Variants in ELF2 observed in about 807,000 individuals in gnomAD.
The protein encoded by ELF2 is ETS-related transcription factor Elf-2.
Under a neutral mutation model 54.8 loss-of-function variants are expected in ELF2, and 11 were observed. That is an observed-to-expected ratio of 0.20 (90% CI 0.13 to 0.33). ELF2 has a LOEUF of 0.33. Among genes scored for constraint, ELF2 ranks in the 10% least tolerant of loss-of-function variants. ELF2 has a pLI of 1.00. For synonymous variants in ELF2, 203 were observed against 245.1 expected (o/e 0.83, Z 1.61); for missense variants, 513 against 703.0 (o/e 0.73, Z 3.06).
At chr4:139,066,551 G>T (rs1728734012) in intron 7 of ELF2, 1 of 152,012 alleles carries the variant, frequency 6.6e-6, no homozygotes, top group African/African-American at 2.4e-5. Context: ...AATGGGGGAG[G>T]TTTGGTGCTG....
At chr4:139,114,639 TTTC>T (rs1735392384) in intron 4 of ELF2, among the ~76,000 whole-genome samples, 1 of 59,800 alleles carries the variant, frequency 1.7e-5, no homozygotes. Flanking sequence ...TTTTTTTTTC[TTTC>T]TTTTTTTTTT....
chr4:139,158,153 C>G (rs1740739528), intron 1 of ELF2, among the ~76,000 whole-genome samples: 2 of 152,060 alleles, frequency 1.3e-5, no homozygotes, highest in Admixed American at 6.6e-5. Flanking sequence ...GGCGGTAGTT[C>G]TCTGGCGGGC....
At chr4:139,151,636 C>T (rs1740010457) in intron 1 of ELF2, among the ~76,000 whole-genome samples, 1 of 152,066 alleles carries the variant, frequency 6.6e-6, no homozygotes, top group Admixed American at 6.6e-5. Flanking sequence ...TTATTTGTGT[C>T]ATGAATCAAG....
chr4:139,152,959 A>T (rs1295737726), intron 1 of ELF2, among the ~76,000 whole-genome samples: 5 of 143,260 alleles, frequency 3.5e-5, no homozygotes, highest in African/African-American at 1.3e-4. Context: ...GCAGTGGTGC[A>T]ATCTCTGCTC....
intron 4 of ELF2, among the ~76,000 whole-genome samples, chr4:139,096,312 T>C (rs1352471689): frequency 6.6e-6 from 1 of 152,206 alleles, no homozygotes; most frequent in Non-Finnish European, 1.5e-5. Flanking sequence ...ATTTTAGTAA[T>C]AAATCTGGGT....
intron 7 of ELF2, among the ~76,000 whole-genome samples, chr4:139,065,224 T>C (rs1728516138): frequency 6.6e-6 from 1 of 152,150 alleles, no homozygotes; most frequent in South Asian, 2.1e-4. Flanking sequence ...CAAGTTAAAA[T>C]GAACAATTCT....
intron 1 of ELF2, among the ~76,000 whole-genome samples, chr4:139,169,526 T>C (rs558039520): frequency 3.0e-3 from 455 of 152,156 alleles, no homozygotes; most frequent in Non-Finnish European, 4.7e-3. Flanking sequence ...ACATAATTGA[T>C]TTAAAACAAT....
At chr4:139,157,565 C>G (rs1016741594) in intron 1 of ELF2, among the ~76,000 whole-genome samples, 1 of 152,138 alleles carries the variant, frequency 6.6e-6, no homozygotes, top group Admixed American at 6.5e-5. Flanking sequence ...CCAAACCCAA[C>G]TAAGGTTTTT....
At chr4:139,144,571 A>C (rs561881083) in intron 1 of ELF2, among the ~76,000 whole-genome samples, 40 of 152,356 alleles carry the variant, frequency 2.6e-4, no homozygotes, top group African/African-American at 9.4e-4. Flanking sequence ...TGGCATTGCC[A>C]GTGGATGAAA....
chr4:139,158,042 T>A (rs1474747785), intron 1 of ELF2, among the ~76,000 whole-genome samples: 1 of 152,178 alleles, frequency 6.6e-6, no homozygotes, highest in African/African-American at 2.4e-5. Context: ...TTATTTCACC[T>A]GGGTGCAGGC....
At chr4:139,114,746 C>T (rs1332865150) in intron 4 of ELF2, among the ~76,000 whole-genome samples, 1 of 141,980 alleles carries the variant, frequency 7.0e-6, no homozygotes, top group Non-Finnish European at 1.5e-5. Flanking sequence ...AGTTTAATAA[C>T]AATAAAAAAA....
At chr4:139,113,811 C>T (rs1008343429) in intron 4 of ELF2, among the ~76,000 whole-genome samples, 3 of 150,366 alleles carry the variant, frequency 2.0e-5, no homozygotes, top group Non-Finnish European at 3.0e-5. Flanking sequence ...GCCAAGACTG[C>T]GCCACTACAC....
intron 1 of ELF2, among the ~76,000 whole-genome samples, chr4:139,174,538 G>A (rs534982567): frequency 8.6e-5 from 13 of 151,864 alleles, no homozygotes; most frequent in Non-Finnish European, 1.5e-4. Context: ...ATATACAGTC[G>A]GCCCTCCATA....
chr4:139,128,400 G>A (rs981497895), intron 3 of ELF2, among the ~76,000 whole-genome samples: 7 of 151,996 alleles, frequency 4.6e-5, no homozygotes, highest in South Asian at 2.1e-4. Context: ...TTAACTGATC[G>A]ATCGAGACGT....
chr4:139,125,335 AG>A lies in ELF2; in HGVS notation c.73-7del. ...TCAGAAACCTTTTCACTTTCCTATA[AG>A]AGCAAATTTAAAGAACAATCAACCT... On this transcript the variant is annotated splice_polypyrimidine_tract_variant and splice_region_variant and intron_variant, in intron 3 of 9. Transcript: ENST00000686138. 1 of 1,601,578 alleles carries A rather than the reference AG, an allele frequency of 6.2e-7. No individual in the cohort carries two copies. Among genetic ancestry groups the A allele is most frequent in the Non-Finnish European group, 8.5e-7 (1 of 1,177,262 alleles).
chr4:139,164,400 C>T (rs1476317667), intron 1 of ELF2, among the ~76,000 whole-genome samples: 5 of 152,228 alleles, frequency 3.3e-5, no homozygotes, highest in East Asian at 3.9e-4. Context: ...CTTTGGGAGG[C>T]GGAGGCGGGT....
intron 1 of ELF2, among the ~76,000 whole-genome samples, chr4:139,152,940 G>A (rs1740168249): frequency 7.4e-6 from 1 of 134,990 alleles, no homozygotes; most frequent in Admixed American, 7.9e-5. Context: ...CTGTCGCCCA[G>A]GCTGAAGTGC....
At chr4:139,070,570 C>T (rs755438499) in intron 6 of ELF2, among the ~76,000 whole-genome samples, 5 of 152,186 alleles carry the variant, frequency 3.3e-5, no homozygotes, top group African/African-American at 4.8e-5. Context: ...GGATTACAGA[C>T]GTGAGCCATC....
At position 139,060,649 on chromosome 4, in the gene ELF2, C is replaced by T. The variant is rs537330789; in HGVS notation, c.832G>A (p.Ala278Thr). Residue 278 changes from alanine (A) to threonine (T), a missense_variant, in exon 9 of 10, where the codon GCA becomes ACA. By Grantham distance (58) the Ala-to-Thr change is moderately conservative. Around this residue, in one of 3 missense-constraint regions of ELF2, gnomAD observed 19 missense variants for 91.0 expected, o/e 0.21. Coordinates refer to ENST00000686138, the MANE Select transcript of ELF2 (RefSeq NM_001331036.3). ...ACAAGCCTCTGTCCTTCAACCTTTG[C>T]AAGAATTCCCCTTTGGTAGTAGTAT... is the stretch of plus-strand genomic sequence containing the variant. The part of the protein sequence containing the change: ...LRYYYQRGIL[A>T]KVEGQRLVYQ... The T allele has an allele frequency of 1.3e-6, 2 of 1,595,250 alleles. No individual in the cohort carries two copies. Among genetic ancestry groups the T allele is most frequent in the South Asian group, 2.3e-5 (2 of 88,762 alleles).
Sources: allele counts gnomAD v4.1 joint callset (sites outside exome capture counted in the v4.1 genomes callset), GRCh38; gene constraint gnomAD v4.1.1; regional missense constraint gnomAD v4.1.1; transcripts MANE v1.5; gene names NCBI Gene and HGNC (gene_info 2026-07-23, HGNC 2026-07-21).